BCKDHB: variants seen among roughly 807,000 people sequenced by gnomAD.
BCKDHB encodes branched chain keto acid dehydrogenase E1 subunit beta, also known as 2-oxoisovalerate dehydrogenase subunit beta, mitochondrial.
In BCKDHB, 41 loss-of-function variants were observed where a neutral mutation model predicts 48.5. That is an observed-to-expected ratio of 0.85 (90% CI 0.66 to 1.10). The LOEUF (loss-of-function observed/expected upper bound fraction) is 1.10. Ranked by LOEUF, BCKDHB falls within the 50% of genes least tolerant of loss-of-function variation. The pLI, the probability that BCKDHB is intolerant of heterozygous loss-of-function variation, is 0.00. For synonymous variants in BCKDHB, 201 were observed against 174.8 expected, an observed-to-expected ratio of 1.15 and a Z score of -1.18; for missense variants, 496 against 494.2, an observed-to-expected ratio of 1.00 and a Z score of -0.03.
At chr6:80,453,331 C>T in the BCKDHB span, 1 of 152,076 alleles carries the variant, frequency 6.6e-6, no homozygotes, top group Non-Finnish European at 1.5e-5. Context: ...ATTTCATAGT[C>T]AAAGCAAATC....
At chr6:80,186,901 G>A (rs895412007) in intron 6 of BCKDHB, among the ~76,000 whole-genome samples, 1 of 152,260 alleles carries the variant, frequency 6.6e-6, no homozygotes, top group Non-Finnish European at 1.5e-5. Context: ...CCCCAGTGGG[G>A]ATGTCTGTTC....
chr6:80,321,452 T>C (rs190251264), intron 9 of BCKDHB, among the ~76,000 whole-genome samples: 2 of 152,312 alleles, frequency 1.3e-5, no homozygotes, highest in Admixed American at 1.3e-4. Flanking sequence ...GGTAATGTAA[T>C]TCATGTGGAC....
At chr6:80,360,975 G>C in the BCKDHB span, among the ~76,000 whole-genome samples, 3 of 137,316 alleles carry the variant, frequency 2.2e-5, no homozygotes, top group Non-Finnish European at 4.6e-5. Context: ...CTGCACTCCA[G>C]CCTGGGTGAC....
intron 3 of BCKDHB, among the ~76,000 whole-genome samples, chr6:80,167,214 A>C (rs949588910): frequency 6.6e-5 from 10 of 151,716 alleles, no homozygotes; most frequent in Non-Finnish European, 1.5e-4. Context: ...TCTTTTGGTT[A>C]GGTTTTTTAT....
chr6:80,257,549 GAGAT>G (rs1777105774), intron 8 of BCKDHB, among the ~76,000 whole-genome samples: 1 of 151,802 alleles, frequency 6.6e-6, no homozygotes, highest in African/African-American at 2.4e-5. Flanking sequence ...GAATCAAAAG[GAGAT>G]AGATAGATGA....
At chr6:80,206,491 G>GA (rs1409495507) in intron 8 of BCKDHB, among the ~76,000 whole-genome samples, 1 of 151,800 alleles carries the variant, frequency 6.6e-6, no homozygotes, top group African/African-American at 2.4e-5. Context: ...GGAACATAGA[G>GA]AAAATAAGGA....
chr6:80,161,671 A>G (rs1261054026), intron 3 of BCKDHB, among the ~76,000 whole-genome samples: 1 of 152,118 alleles, frequency 6.6e-6, no homozygotes, highest in African/African-American at 2.4e-5. Context: ...TGGTCTTTTC[A>G]ATATTCTGGC....
At chr6:80,127,268 T>C in intron 1 of BCKDHB, 1 of 389,456 alleles carries the variant, frequency 2.6e-6, no homozygotes, top group Non-Finnish European at 4.8e-6. Flanking sequence ...CCATAGGTCT[T>C]ATTGTCTACA....
intron 9 of BCKDHB, among the ~76,000 whole-genome samples, chr6:80,335,139 A>G (rs1769512080): frequency 2.0e-5 from 3 of 151,816 alleles, no homozygotes; most frequent in Admixed American, 1.3e-4. Flanking sequence ...TCGTGAGACA[A>G]AAGAATTGTC....
chr6:80,208,664 A>G (rs1355171109), intron 8 of BCKDHB, among the ~76,000 whole-genome samples: 1 of 151,894 alleles, frequency 6.6e-6, no homozygotes, highest in Non-Finnish European at 1.5e-5. Flanking sequence ...TAATTTTACA[A>G]ATAAGTTTTG....
At chr6:80,174,800 G>C (rs1773076624) in intron 6 of BCKDHB, among the ~76,000 whole-genome samples, 1 of 152,132 alleles carries the variant, frequency 6.6e-6, no homozygotes, top group African/African-American at 2.4e-5. Flanking sequence ...GACTTTGCTA[G>C]GAGCCCTTGA....
the BCKDHB span, among the ~76,000 whole-genome samples, chr6:80,359,728 G>A: frequency 9.9e-5 from 15 of 152,216 alleles, no homozygotes; most frequent in African/African-American, 2.9e-4. Flanking sequence ...CTGAGTAGCT[G>A]GGATTACAGG....
chr6:80,270,322 A>C (rs766591886), intron 8 of BCKDHB, among the ~76,000 whole-genome samples: 4 of 152,154 alleles, frequency 2.6e-5, no homozygotes, highest in Admixed American at 2.0e-4. Context: ...ATTTTTAAGA[A>C]GCAAAAATGA....
At chr6:80,326,124 C>T (rs1022073354) in intron 9 of BCKDHB, among the ~76,000 whole-genome samples, 4 of 151,866 alleles carry the variant, frequency 2.6e-5, no homozygotes, top group South Asian at 2.1e-4. Flanking sequence ...TGGTGGAAAC[C>T]GGTTGTGGGA....
At chr6:80,331,408 C>T (rs2207143) in intron 9 of BCKDHB, among the ~76,000 whole-genome samples, 118,037 of 152,130 alleles carry the variant, frequency 0.78, 46,171 homozygotes, top group Admixed American at 0.84. Context: ...CATAAATGTG[C>T]TCTCAGACAC....
At chr6:80,206,353 A>T (rs1168571368) in intron 8 of BCKDHB, among the ~76,000 whole-genome samples, 1 of 152,158 alleles carries the variant, frequency 6.6e-6, no homozygotes, top group African/African-American at 2.4e-5. Flanking sequence ...ATTCAATAAA[A>T]AACTAAGTAG....
At chr6:80,385,270 AAG>A in the BCKDHB span, among the ~76,000 whole-genome samples, 4 of 152,196 alleles carry the variant, frequency 2.6e-5, no homozygotes, top group Admixed American at 6.5e-5. Context: ...CCCATGGAGA[AAG>A]AGCTGAAATT....
intron 8 of BCKDHB, among the ~76,000 whole-genome samples, chr6:80,219,826 T>C (rs1320787722): frequency 1.3e-5 from 2 of 152,106 alleles, no homozygotes; most frequent in Non-Finnish European, 2.9e-5. Flanking sequence ...CTTAGGACTT[T>C]GAAGATAATG....
intron 8 of BCKDHB, among the ~76,000 whole-genome samples, chr6:80,237,975 T>C (rs987753678): frequency 6.6e-6 from 1 of 152,236 alleles, no homozygotes; most frequent in Non-Finnish European, 1.5e-5. Context: ...TGAAATGTGT[T>C]ATAAAACTTA....
Sources: allele counts gnomAD v4.1 joint callset (sites outside exome capture counted in the v4.1 genomes callset), GRCh38; gene constraint gnomAD v4.1.1; transcripts MANE v1.5; gene names NCBI Gene and HGNC (gene_info 2026-07-23, HGNC 2026-07-21).